Variants in TRAPPC6A observed in about 807,000 individuals in gnomAD.
TRAPPC6A encodes the protein TRAPP complex subunit 6A.
In TRAPPC6A, 25 loss-of-function variants were observed where a neutral mutation model predicts 20.8. The observed-to-expected ratio is 1.20, with a 90% CI of 0.88 to 1.68. The LOEUF (loss-of-function observed/expected upper bound fraction) is 1.68, where lower values mean the gene tolerates loss of function less well. TRAPPC6A is among the 40% of genes most tolerant of loss of function. TRAPPC6A has a pLI of 0.00. For synonymous variants in TRAPPC6A, 96 were observed against 93.3 expected (o/e 1.03, Z -0.16); for missense variants, 215 against 211.6 (o/e 1.02, Z -0.10).
intron 1 of TRAPPC6A, among the ~76,000 whole-genome samples, chr19:45,170,048 G>A (rs1026615160): frequency 1.6e-4 from 25 of 152,188 alleles, no homozygotes; most frequent in African/African-American, 6.0e-4. Flanking sequence ...GCAGTGCAGT[G>A]CAGAGCCTGC....
In TRAPPC6A at chr19:45,162,992, TCCCACCA is replaced by T; in HGVS notation, c.*193_*199del. On this transcript the variant is annotated 3_prime_UTR_variant, in exon 6 of 6. Transcript: ENST00000585934. ...GGCAGTGACGCTGCCGAGGCGGGAA[TCCCACCA>T]CAGTCCTGACCGCAGCTGGGACCCC... 2.1e-6 allele frequency: 1 copy of T among 465,690 alleles called. No individual in the cohort carries two copies. Among genetic ancestry groups the T allele is most frequent in the Non-Finnish European group, 3.7e-6 (1 of 267,356 alleles). The allele number at this position is 465,690 out of a possible 1,614,324, so 28.8% of individuals were successfully genotyped here.
rs551853348 is a variant in TRAPPC6A at position 45,177,372 on chromosome 19, G to A, written c.84+763C>T. Among the ~76,000 whole-genome samples, 4 of 151,450 alleles carry A rather than the reference G, an allele frequency of 2.6e-5. No homozygotes were observed. The South Asian group carries it at 6.2e-4, about 24-fold the overall frequency. On this transcript the variant is annotated intron_variant, in intron 1 of 5. Transcript: ENST00000585934. ...TTTTTTTTTTCCTGAGACAAGTCTCGCTCTGTCGCCTAGGCTGGAGTGCAA... is the reference window on the plus strand; with the variant it reads ...TTTTTTTTTTCCTGAGACAAGTCTCACTCTGTCGCCTAGGCTGGAGTGCAA...
chr19:45,175,136 C>T (rs1291954846), intron 1 of TRAPPC6A, among the ~76,000 whole-genome samples: 3 of 152,000 alleles, frequency 2.0e-5, no homozygotes, highest in African/African-American at 7.3e-5. Context: ...TGGCAGTCAC[C>T]TGTAGTCCCA....
chr19:45,170,327 C>T (rs1223241353), intron 1 of TRAPPC6A, among the ~76,000 whole-genome samples: 2 of 152,238 alleles, frequency 1.3e-5, no homozygotes, highest in Non-Finnish European at 2.9e-5. Context: ...CTTCACTATG[C>T]TCACAGCGAC....
At chr19:45,169,012 C>T (rs1005636439) in intron 1 of TRAPPC6A, among the ~76,000 whole-genome samples, 18 of 152,234 alleles carry the variant, frequency 1.2e-4, no homozygotes, top group African/African-American at 4.3e-4. Context: ...TGCACTGTCT[C>T]CCTCTGGTGT....
chr19:45,168,331 A>C (rs556259569), intron 1 of TRAPPC6A, among the ~76,000 whole-genome samples: 12 of 152,312 alleles, frequency 7.9e-5, no homozygotes, highest in African/African-American at 2.6e-4. Flanking sequence ...ATAAATAAAA[A>C]ACAAAAAACC....
At position 45,163,341 on chromosome 19, in the gene TRAPPC6A, T is replaced by A; in HGVS notation, c.449-118A>T. 8.8e-7 allele frequency: 1 copy of A among 1,137,292 alleles called. No homozygotes were observed. The highest frequency in any genetic ancestry group is 1.3e-6 in the Non-Finnish European group (1 of 775,986). 70.5% of individuals were successfully genotyped at this position (1,137,292 alleles called of 1,614,324 possible). A position where few individuals can be genotyped will look rare whatever the true frequency, so the allele number is the denominator to read the frequency against. ...TGACACCCCAGTGGCTAGGTTGGGC[T>A]GTTTCCTCCCGCCCACGGGGCCGCA... On this transcript the variant is annotated intron_variant, in intron 5 of 5. Coordinates refer to ENST00000585934, the MANE Select transcript of TRAPPC6A (RefSeq NM_001270891.2). The surrounding 1 kb of genome is among the most constrained non-coding windows in gnomAD (Gnocchi z 5.3).
chr19:45,177,767 T>C (rs1279855244), intron 1 of TRAPPC6A, among the ~76,000 whole-genome samples: 1 of 152,196 alleles, frequency 6.6e-6, no homozygotes, highest in Non-Finnish European at 1.5e-5. Flanking sequence ...TTAGGTACGT[T>C]ATGATACTCA....
intron 1 of TRAPPC6A, among the ~76,000 whole-genome samples, chr19:45,169,780 G>C (rs985317214): frequency 1.3e-5 from 2 of 152,132 alleles, no homozygotes; most frequent in African/African-American, 4.8e-5. Flanking sequence ...TGGAGGCAGG[G>C]CCCAGGCTGC....
At chr19:45,177,014 T>C (rs1969394861) in intron 1 of TRAPPC6A, among the ~76,000 whole-genome samples, 3 of 151,514 alleles carry the variant, frequency 2.0e-5, no homozygotes, top group Admixed American at 2.0e-4. Context: ...AAAAAAATAA[T>C]AATAATACAA....
Position 45,163,831 on chromosome 19 carries a change from GCA to G in TRAPPC6A, c.448+83_448+84del, listed in dbSNP as rs1969070917. The G allele has an allele frequency of 1.1e-5, 13 of 1,231,362 alleles. 1 individual carries two copies. In the South Asian group the frequency reaches 1.7e-4, roughly 16 times the overall value. 76.3% of individuals were successfully genotyped at this position (1,231,362 alleles called of 1,614,324 possible). A position where few individuals can be genotyped will look rare whatever the true frequency, so the allele number is the denominator to read the frequency against. On this transcript the variant is annotated intron_variant, in intron 5 of 5. Coordinates refer to ENST00000585934, the MANE Select transcript of TRAPPC6A (RefSeq NM_001270891.2). This position sits in a 1 kb window ranked among gnomAD's most constrained non-coding sequence, Gnocchi z 5.3. The stretch of plus-strand genomic sequence containing the variant: ...ACTTAAAACTGGGCCTGCCTCCCAG[GCA>G]CACACACAGGAGTGGGGCTGGAACT...
At chr19:45,170,444 G>A (rs146361771) in intron 1 of TRAPPC6A, among the ~76,000 whole-genome samples, 1 of 152,346 alleles carries the variant, frequency 6.6e-6, no homozygotes, top group Non-Finnish European at 1.5e-5. Flanking sequence ...GCAGGAGTGG[G>A]CTGTGAAGGC....
chr19:45,175,463 T>G (rs1444032830), intron 1 of TRAPPC6A, among the ~76,000 whole-genome samples: 1 of 150,048 alleles, frequency 6.7e-6, no homozygotes, highest in Admixed American at 6.6e-5. Context: ...CCTTATTGAG[T>G]ATGATGAAGC....
In TRAPPC6A at chr19:45,173,194, G is replaced by A. The variant is rs978744949; in HGVS notation, c.84+4941C>T. 6.6e-6 allele frequency among the ~76,000 whole-genome samples: 1 copy of A among 151,746 alleles called. No homozygotes were observed. Among genetic ancestry groups the A allele is most frequent in the Non-Finnish European group, 1.5e-5 (1 of 67,986 alleles). On this transcript the variant is annotated intron_variant, in intron 1 of 5. Transcript: ENST00000585934. The surrounding 1 kb of genome is among the most constrained non-coding windows in gnomAD (Gnocchi z 4.8). ...CTTCCCTTGTCTTCAAAGCCTCTGA[G>A]GTAGAAAAGCCACGGCTGCTTCCTC... is the stretch of plus-strand genomic sequence containing the variant.
Position 45,163,774 on chromosome 19 carries a change from G to A in TRAPPC6A, c.448+142C>T. 2 of 706,788 alleles carry A rather than the reference G, an allele frequency of 2.8e-6. No homozygotes were observed. The highest frequency in any genetic ancestry group is 1.9e-5 in the South Asian group (1 of 53,074). The allele number at this position is 706,788 out of a possible 1,614,324, so 43.8% of individuals were successfully genotyped here. A position where few individuals can be genotyped will look rare whatever the true frequency, so the allele number is the denominator to read the frequency against. ...ACGTCACGGAGCCAGGGGCACAGATGGGCCTGCACCAGCCGTGTGGCTGAG... is the reference window on the plus strand; with the variant it reads ...ACGTCACGGAGCCAGGGGCACAGATAGGCCTGCACCAGCCGTGTGGCTGAG... On this transcript the variant is annotated intron_variant, in intron 5 of 5. Coordinates refer to ENST00000585934, the MANE Select transcript of TRAPPC6A (RefSeq NM_001270891.2). This position sits in a 1 kb window ranked among gnomAD's most constrained non-coding sequence, Gnocchi z 5.3.
rs57127361 is a variant in TRAPPC6A, at chr19:45,177,191, G to GCACACACACA, written c.84+934_84+943dup. Among the ~76,000 whole-genome samples the GCACACACACA allele has an allele frequency of 4.3e-3, 631 of 147,986 alleles. 2 individuals carry two copies. The highest frequency in any genetic ancestry group is 9.6e-3 in the African/African-American group (385 of 40,146). ...GCGACCGAGCAGGATGCGCGTGCGCGCACACACACACACACACACACACAC... is the reference window on the plus strand; with the variant it reads ...GCGACCGAGCAGGATGCGCGTGCGCGCACACACACACACACACACACACACACACACACAC... On this transcript the variant is annotated intron_variant, in intron 1 of 5. Coordinates refer to ENST00000585934, the MANE Select transcript of TRAPPC6A (RefSeq NM_001270891.2).
chr19:45,176,449 G>C (rs1052364495), intron 1 of TRAPPC6A, among the ~76,000 whole-genome samples: 1 of 151,970 alleles, frequency 6.6e-6, no homozygotes, highest in African/African-American at 2.4e-5. Flanking sequence ...GGGCGACAGA[G>C]CAAGACTCTG....
At chr19:45,178,033 G>A in intron 1 of TRAPPC6A, 102 bp downstream of exon 1, 2 of 1,578,118 alleles carry the variant, frequency 1.3e-6, no homozygotes, top group South Asian at 1.1e-5. Context: ...GCAAGGCCGG[G>A]GCTGGGCCGG....
In TRAPPC6A at chr19:45,172,092, C is replaced by T. The variant is rs369668217; in HGVS notation, c.84+6043G>A. Among the ~76,000 whole-genome samples, 278 of 152,038 alleles carry T rather than the reference C, an allele frequency of 1.8e-3. 1 individual carries two copies. Among genetic ancestry groups the T allele is most frequent in the African/African-American group, 6.4e-3 (263 of 41,400 alleles). On this transcript the variant is annotated intron_variant, in intron 1 of 5. Transcript: ENST00000585934. The surrounding 1 kb of genome is among the most constrained non-coding windows in gnomAD (Gnocchi z 4.2). Reference sequence around the variant, plus strand: ...CCCCTCTGGCCGGTCCTCCAGTTCACAACCTGTGACAGCCCAGGAGAATGG... The same window carrying T: ...CCCCTCTGGCCGGTCCTCCAGTTCATAACCTGTGACAGCCCAGGAGAATGG...
Sources: allele counts gnomAD v4.1 joint callset (sites outside exome capture counted in the v4.1 genomes callset), GRCh38; gene constraint gnomAD v4.1.1; non-coding constraint Gnocchi (gnomAD v3.1); transcripts MANE v1.5; gene names NCBI Gene and HGNC (gene_info 2026-07-23, HGNC 2026-07-21).